Variants in ATP10D observed in about 807,000 individuals in gnomAD.
ATP10D encodes the protein phospholipid-transporting ATPase VD.
ATP10D carries 89 observed loss-of-function variants against 144.8 expected under a neutral mutation model. The observed-to-expected ratio is 0.61, with a 90% CI of 0.52 to 0.73. The LOEUF is 0.73. ATP10D is among the 30% of genes least tolerant of loss of function. The pLI, the probability that ATP10D is intolerant of heterozygous loss-of-function variation, is 0.00. For missense variants in ATP10D, 1,603 were observed against 1,714.8 expected, an observed-to-expected ratio of 0.93 and a Z score of 1.15; for synonymous variants, 571 against 615.1, an observed-to-expected ratio of 0.93 and a Z score of 1.06.
intron 1 of ATP10D, among the ~76,000 whole-genome samples, chr4:47,511,790 G>A (rs1478979918): frequency 6.6e-6 from 1 of 152,180 alleles, no homozygotes; most frequent in Admixed American, 6.5e-5. Context: ...GGCAGTCAGT[G>A]GTGTTATTTA....
chr4:47,536,774 A>G lies in ATP10D; in HGVS notation c.1232A>G (p.Asn411Ser), dbSNP rs371554019. The change falls in exon 9 of 23, where the codon AAT becomes AGT. Residue 411 changes from asparagine (N) to serine (S), a missense_variant. Physicochemically the swap from Asn to Ser is conservative, Grantham distance 46. Transcript: ENST00000273859. Reference protein sequence around the residue: ...YFIQSDVDFYNEKMDSIVQCR... With the variant: ...YFIQSDVDFYSEKMDSIVQCR... ...ATTCAAAGTGATGTGGATTTCTACA[A>G]TGAAAAAATGGATTCTATTGTTCAG... is the stretch of plus-strand genomic sequence containing the variant. The G allele has an allele frequency of 5.6e-6, 9 of 1,613,270 alleles. No individual in the cohort carries two copies. In the African/African-American group the frequency reaches 6.7e-5, roughly 12 times the overall value.
chr4:47,572,159 G>C lies in ATP10D; in HGVS notation c.3169G>C (p.Gly1057Arg). The C allele has an allele frequency of 6.2e-7, 1 of 1,613,894 alleles. No homozygotes were observed. Among genetic ancestry groups the C allele is most frequent in the South Asian group, 1.1e-5 (1 of 91,040 alleles). Residue 1057 changes from glycine to arginine, a missense_variant, in exon 17 of 23, where the codon GGT (glycine) becomes CGT (arginine). Transcript: ENST00000273859. ...LQVMTLAIGD[G>R]ANDVSMIQVA... Reference sequence around the variant, plus strand: ...TTTTTTTCTGCCTCATGAAGGTGATGGTGCCAATGATGTTAGCATGATACA... The same window carrying C: ...TTTTTTTCTGCCTCATGAAGGTGATCGTGCCAATGATGTTAGCATGATACA...
Position 47,587,183 on chromosome 4 carries a change from G to A in ATP10D, c.3918G>A (p.Thr1306=), listed in dbSNP as rs763729269. Residue 1306 remains threonine (T), a synonymous_variant, in exon 22 of 23, where the codon ACG becomes ACA. Coordinates refer to ENST00000273859, the MANE Select transcript of ATP10D (RefSeq NM_020453.4). The part of the protein sequence containing the change: ...DPVFYLVCIL[T]TSIALLPRFV... ...TATTCTACTTAGTTTGTATCCTCACGACGTCCATTGCTCTTCTGCCCAGGT... is the reference window on the plus strand; with the variant it reads ...TATTCTACTTAGTTTGTATCCTCACAACGTCCATTGCTCTTCTGCCCAGGT... The A allele has an allele frequency of 1.2e-5, 20 of 1,613,402 alleles. No individual in the cohort carries two copies. The highest frequency in any genetic ancestry group is 3.3e-5 in the Admixed American group (2 of 59,952).
Position 47,580,475 on chromosome 4 carries a change from T to C in ATP10D, c.3645T>C (p.Tyr1215=). The C allele has an allele frequency of 6.2e-7, 1 of 1,610,132 alleles. No individual in the cohort carries two copies. ...YQSLVCFFVP[Y]FTYQGSDTDI... ...GCCTGGTCTGCTTCTTTGTGCCTTA[T>C]TTTGTGAGTCTTTGTTCACTCAGTA... The change falls in exon 20 of 23, where the codon TAT becomes TAC. Residue 1215 remains tyrosine (Y), a synonymous_variant. Transcript: ENST00000273859.
At chr4:47,552,042 G>C (rs1718758012) in intron 10 of ATP10D, among the ~76,000 whole-genome samples, 1 of 152,096 alleles carries the variant, frequency 6.6e-6, no homozygotes, top group Non-Finnish European at 1.5e-5. Flanking sequence ...TATGTATGTT[G>C]TTTTATAGTG....
chr4:47,574,414 C>G (rs192945308), intron 18 of ATP10D, among the ~76,000 whole-genome samples: 1 of 152,316 alleles, frequency 6.6e-6, no homozygotes, highest in African/African-American at 2.4e-5. Flanking sequence ...ATGCAAAGGT[C>G]TTGGACCAGA....
intron 1 of ATP10D, among the ~76,000 whole-genome samples, chr4:47,509,680 C>A (rs887717675): frequency 6.6e-6 from 1 of 152,044 alleles, no homozygotes; most frequent in African/African-American, 2.4e-5. Flanking sequence ...ATTTTGTATT[C>A]TGTAATAGTC....
At chr4:47,503,050 A>G (rs558650049) in intron 1 of ATP10D, among the ~76,000 whole-genome samples, 1 of 152,150 alleles carries the variant, frequency 6.6e-6, no homozygotes, top group South Asian at 2.1e-4. Flanking sequence ...AAAAAGACAA[A>G]ACTTAGCTGG....
At position 47,591,196 on chromosome 4, in the gene ATP10D, C is replaced by A. The variant is rs1450979340; in HGVS notation, c.4096C>A (p.Gln1366Lys). ...TCAAGTGACATCAAAGTATGCTAACCAATCAGCTGGCAAGTCAGGAAGAAG... is the reference window on the plus strand; with the variant it reads ...TCAAGTGACATCAAAGTATGCTAACAAATCAGCTGGCAAGTCAGGAAGAAG... ...MNQVTSKYAN[Q>K]SAGKSGRRPM... is the part of the protein sequence containing the mutation. The change falls in exon 23 of 23, where the codon CAA (glutamine) becomes AAA (lysine). Residue 1366 changes from glutamine to lysine, a missense_variant. Gln to Lys is a moderately conservative substitution (Grantham distance 53). Coordinates refer to ENST00000273859, the MANE Select transcript of ATP10D (RefSeq NM_020453.4). The A allele has an allele frequency of 1.2e-6, 2 of 1,613,434 alleles. No homozygotes were observed. Among genetic ancestry groups the A allele is most frequent in the South Asian group, 1.1e-5 (1 of 91,062 alleles).
At chr4:47,539,606 T>G (rs563621435) in intron 9 of ATP10D, among the ~76,000 whole-genome samples, 1 of 152,350 alleles carries the variant, frequency 6.6e-6, no homozygotes, top group Admixed American at 6.5e-5. Context: ...ACCATTTTTC[T>G]TAAGACTTCA....
intron 1 of ATP10D, chr4:47,490,898 C>A (rs1055454628): frequency 4.8e-6 from 2 of 417,144 alleles, no homozygotes; most frequent in Non-Finnish European, 4.4e-6. Context: ...TTCTCCCTTT[C>A]AATGTATTGT....
chr4:47,557,314 GC>G (rs2109447126), intron 11 of ATP10D, among the ~76,000 whole-genome samples: 1 of 152,070 alleles, frequency 6.6e-6, no homozygotes, highest in South Asian at 2.1e-4. Flanking sequence ...GCTGAAGGAT[GC>G]CCACTGCTAG....
chr4:47,554,015 T>A (rs1405150596), intron 10 of ATP10D, among the ~76,000 whole-genome samples: 1 of 152,216 alleles, frequency 6.6e-6, no homozygotes, highest in East Asian at 1.9e-4. Flanking sequence ...ATACTTAGAT[T>A]TCTACTACAA....
chr4:47,579,123 A>C (rs897907352), intron 19 of ATP10D, among the ~76,000 whole-genome samples: 1 of 152,222 alleles, frequency 6.6e-6, no homozygotes, highest in Middle Eastern at 3.2e-3. Flanking sequence ...ATGCAGCCTC[A>C]GAATCCTTCA....
At chr4:47,492,764 A>C (rs1376771694) in intron 1 of ATP10D, among the ~76,000 whole-genome samples, 2 of 152,194 alleles carry the variant, frequency 1.3e-5, no homozygotes, top group African/African-American at 2.4e-5. Flanking sequence ...TTCATCTATC[A>C]GACTGAATTT....
rs1328994279 is a variant in ATP10D at position 47,557,825 on chromosome 4, C to A, written c.1986C>A (p.Leu662=). 2 of 1,614,088 alleles carry A rather than the reference C, an allele frequency of 1.2e-6. No individual in the cohort carries two copies. The highest frequency in any genetic ancestry group is 1.7e-6 in the Non-Finnish European group (2 of 1,180,046). The change falls in exon 12 of 23, where the codon CTC becomes CTA. Residue 662 remains leucine, a synonymous_variant. Transcript: ENST00000273859. ...ACGCCTTTGTGAGCAGACTCCCTCT[C>A]TTTAGTCGAATGAAACCAGCTTCAC... ...VPNAFVSRLP[L]FSRMKPASPV...
rs375518281 is a variant in ATP10D at position 47,583,344 on chromosome 4, G to A, written c.3753+1280G>A. The A allele has an allele frequency of 1.2e-4, 18 of 152,200 alleles. No homozygotes were observed. The South Asian group carries it at 1.5e-3, about 12-fold the overall frequency. The allele number at this position is 152,200 out of a possible 1,614,324, so 9.4% of individuals were successfully genotyped here. The stretch of plus-strand genomic sequence containing the variant: ...AACCAGTTTTTGGGTTATGTTTACC[G>A]TCCTGATAACATATGAATTTTAAAT... On this transcript the variant is annotated intron_variant, in intron 21 of 22. Transcript: ENST00000273859.
intron 10 of ATP10D, 118 bp from the exon 11 acceptor site, chr4:47,554,608 A>C: frequency 1.3e-6 from 1 of 760,746 alleles, no homozygotes; most frequent in Non-Finnish European, 2.0e-6. Flanking sequence ...TTAGAAAAAT[A>C]AAGTTTACCA....
chr4:47,534,737 C>T (rs929345289), intron 5 of ATP10D, among the ~76,000 whole-genome samples: 8 of 152,160 alleles, frequency 5.3e-5, no homozygotes, highest in African/African-American at 1.9e-4. Flanking sequence ...ACTAAGTTAT[C>T]CTAAATACAG....
Sources: gnomAD v4.1 joint callset for allele counts (sites outside exome capture counted in the v4.1 genomes callset) on GRCh38, gnomAD v4.1.1 for gene constraint, MANE v1.5 for transcripts, NCBI Gene and HGNC (gene_info 2026-07-23, HGNC 2026-07-21) for gene names.